Variants in LMO7 observed in about 807,000 individuals in gnomAD.
The protein encoded by LMO7 is LIM domain only protein 7.
Under a neutral mutation model 206.5 loss-of-function variants are expected in LMO7, and 120 were observed. The ratio of observed to expected loss-of-function variants is 0.58; its 90% CI spans 0.50 to 0.68. LMO7 has a LOEUF of 0.68. Ranked by LOEUF, LMO7 falls within the 30% of genes least tolerant of loss-of-function variation. The probability of loss-of-function intolerance (pLI) is 0.00; values close to 1 mark genes in which losing one functional copy is unlikely to be tolerated. For missense variants in LMO7, 1,959 were observed against 1,957.9 expected, an observed-to-expected ratio of 1.00 and a Z score of -0.01; for synonymous variants, 706 against 681.5, an observed-to-expected ratio of 1.04 and a Z score of -0.56.
intron 3 of LMO7, among the ~76,000 whole-genome samples, chr13:75,757,428 A>G (rs999834852): frequency 6.6e-6 from 1 of 152,186 alleles, no homozygotes; most frequent in Admixed American, 6.5e-5. Flanking sequence ...TTATGCACCA[A>G]TAGATAACTA....
At chr13:75,736,744 T>G (rs565955071) in intron 3 of LMO7, among the ~76,000 whole-genome samples, 1 of 152,324 alleles carries the variant, frequency 6.6e-6, no homozygotes, top group East Asian at 1.9e-4. Context: ...GTAGGGGAAC[T>G]GTGAAGACTG....
chr13:75,736,515 A>G (rs1316388697), intron 3 of LMO7, among the ~76,000 whole-genome samples: 1 of 152,274 alleles, frequency 6.6e-6, no homozygotes, highest in African/African-American at 2.4e-5. Flanking sequence ...TTTTAAATAA[A>G]TAATTGAATG....
At chr13:75,792,206 G>A (rs762982985) in intron 4 of LMO7, among the ~76,000 whole-genome samples, 3 of 152,108 alleles carry the variant, frequency 2.0e-5, no homozygotes, top group Non-Finnish European at 2.9e-5. Context: ...GGACTCAAGC[G>A]ATCCTCCCAT....
intron 1 of LMO7, among the ~76,000 whole-genome samples, chr13:75,667,954 A>G (rs1791326995): frequency 6.6e-6 from 1 of 152,222 alleles, no homozygotes; most frequent in African/African-American, 2.4e-5. Context: ...CATGCCTGTA[A>G]TCCCATCATG....
intron 15 of LMO7, among the ~76,000 whole-genome samples, chr13:75,830,376 G>C (rs1190078268): frequency 6.6e-6 from 1 of 152,150 alleles, no homozygotes; most frequent in Non-Finnish European, 1.5e-5. Flanking sequence ...TTTGGAAAGA[G>C]GTGGTCTGCA....
chr13:75,727,740 G>C (rs1320309994), intron 3 of LMO7, among the ~76,000 whole-genome samples: 3 of 151,170 alleles, frequency 2.0e-5, no homozygotes, highest in Admixed American at 1.3e-4. Flanking sequence ...TCGTCATTTA[G>C]CATTAGGTAT....
intron 1 of LMO7, among the ~76,000 whole-genome samples, chr13:75,708,299 C>T (rs1259049579): frequency 6.6e-6 from 1 of 152,186 alleles, no homozygotes; most frequent in African/African-American, 2.4e-5. Context: ...TTTGGTCAGA[C>T]TTCAGTTCTT....
intron 14 of LMO7, 109 bp downstream of exon 14, chr13:75,821,718 A>G: frequency 1.5e-6 from 1 of 655,680 alleles, no homozygotes. Flanking sequence ...TACATAACAT[A>G]TATAAGGACA....
intron 24 of LMO7, 102 bp downstream of exon 24, chr13:75,842,085 A>G: frequency 3.9e-6 from 3 of 777,868 alleles, no homozygotes; most frequent in Non-Finnish European, 6.1e-6. Flanking sequence ...CATTCTCCAC[A>G]CAAGTGAATA....
intron 3 of LMO7, among the ~76,000 whole-genome samples, chr13:75,750,533 G>T (rs1423014342): frequency 1.3e-5 from 2 of 151,940 alleles, no homozygotes; most frequent in Non-Finnish European, 2.9e-5. Flanking sequence ...AGGACTACAG[G>T]TGCATGCCAC....
At chr13:75,671,789 T>G (rs1339598232) in intron 1 of LMO7, among the ~76,000 whole-genome samples, 1 of 152,030 alleles carries the variant, frequency 6.6e-6, no homozygotes, top group Non-Finnish European at 1.5e-5. Flanking sequence ...TGCCAAGGAG[T>G]AAAATATCTC....
intron 4 of LMO7, among the ~76,000 whole-genome samples, chr13:75,781,532 G>C (rs530963190): frequency 6.6e-6 from 1 of 151,958 alleles, no homozygotes; most frequent in Admixed American, 6.6e-5. Context: ...CATCATTGTT[G>C]GACATTTGGG....
chr13:75,813,337 A>G (rs1047661971), intron 11 of LMO7, among the ~76,000 whole-genome samples: 11 of 152,220 alleles, frequency 7.2e-5, no homozygotes, highest in Non-Finnish European at 1.0e-4. Context: ...GAATTAGTAT[A>G]TGGCCCAGAC....
At chr13:75,705,816 C>CA (rs746916258) in intron 1 of LMO7, among the ~76,000 whole-genome samples, 93 of 151,672 alleles carry the variant, frequency 6.1e-4, no homozygotes, top group Non-Finnish European at 9.8e-4. Context: ...AAACAACCTA[C>CA]TTTCACTATG....
chr13:75,696,999 G>A (rs573531554), intron 1 of LMO7, among the ~76,000 whole-genome samples: 10 of 152,102 alleles, frequency 6.6e-5, no homozygotes, highest in Middle Eastern at 3.4e-3. Context: ...TCCCAACGTC[G>A]ACATACCTTA....
chr13:75,688,384 A>G (rs1249765910), intron 1 of LMO7, among the ~76,000 whole-genome samples: 2 of 152,226 alleles, frequency 1.3e-5, no homozygotes, highest in Non-Finnish European at 2.9e-5. Context: ...CATTCACTTC[A>G]CTGGGATAAA....
chr13:75,694,136 G>A lies in LMO7; in HGVS notation c.70-19046G>A, dbSNP rs143359063. On this transcript the variant is annotated intron_variant, in intron 1 of 30. Coordinates refer to ENST00000377534, the MANE Select transcript of LMO7 (RefSeq NM_001306080.2). ...CCTCAATAAAGTTTCAATCTAGGACGGAAGAGAAGATGAGCAGATGATGAT... is the reference window on the plus strand; with the variant it reads ...CCTCAATAAAGTTTCAATCTAGGACAGAAGAGAAGATGAGCAGATGATGAT... 1.0e-3 allele frequency among the ~76,000 whole-genome samples: 159 copies of A among 152,304 alleles called. 1 individual carries two copies. Among genetic ancestry groups the A allele is most frequent in the Non-Finnish European group, 1.8e-3 (120 of 68,026 alleles).
At chr13:75,705,651 A>T (rs2042598279) in intron 1 of LMO7, among the ~76,000 whole-genome samples, 1 of 152,216 alleles carries the variant, frequency 6.6e-6, no homozygotes, top group African/African-American at 2.4e-5. Context: ...TAACTTGCTA[A>T]TGAGTAAGGT....
upstream of LMO7, among the ~76,000 whole-genome samples, chr13:75,633,119 TC>T (rs1220595220): frequency 1.3e-5 from 2 of 152,070 alleles, no homozygotes; most frequent in African/African-American, 4.8e-5. Context: ...CGCCTCGGCC[TC>T]CCAAAGCGCT....
Sources: allele counts gnomAD v4.1 joint callset (sites outside exome capture counted in the v4.1 genomes callset), GRCh38; gene constraint gnomAD v4.1.1; transcripts MANE v1.5; gene names NCBI Gene and HGNC (gene_info 2026-07-23, HGNC 2026-07-21).